SPRED2: variants seen among roughly 807,000 people sequenced by gnomAD.
SPRED2 encodes the protein sprouty related EVH1 domain containing 2, also known as sprouty-related, EVH1 domain-containing protein 2.
In SPRED2, 47 loss-of-function variants were observed where a neutral mutation model predicts 43.0. That is an observed-to-expected ratio of 1.09 (90% CI 0.87 to 1.40). The LOEUF (loss-of-function observed/expected upper bound fraction) is 1.40, where lower values mean the gene tolerates loss of function less well. Ranked by LOEUF, SPRED2 falls within the 40% of genes most tolerant of loss-of-function variation. The pLI is 0.00. For missense variants in SPRED2, 561 were observed against 586.4 expected (o/e 0.96, Z 0.45); for synonymous variants, 225 against 225.7 (o/e 1.00, Z 0.03).
chr2:65,420,319 A>C (rs1413559832), intron 1 of SPRED2, among the ~76,000 whole-genome samples: 1 of 151,192 alleles, frequency 6.6e-6, no homozygotes, highest in Non-Finnish European at 1.5e-5. Flanking sequence ...TCCGTGTTGG[A>C]GTTATTGACA....
At chr2:65,402,800 G>A (rs1271879795) in intron 1 of SPRED2, among the ~76,000 whole-genome samples, 1 of 152,168 alleles carries the variant, frequency 6.6e-6, no homozygotes, top group East Asian at 1.9e-4. Flanking sequence ...TGATAATTCA[G>A]AAATTTTTAA....
chr2:65,399,075 G>A (rs913810131), intron 1 of SPRED2, among the ~76,000 whole-genome samples: 9 of 152,006 alleles, frequency 5.9e-5, no homozygotes, highest in African/African-American at 2.2e-4. Context: ...TCAGGAGATC[G>A]AGACCATCCT....
intron 1 of SPRED2, among the ~76,000 whole-genome samples, chr2:65,428,869 A>T (rs1676613546): frequency 6.6e-6 from 1 of 152,248 alleles, no homozygotes; most frequent in Admixed American, 6.5e-5. Context: ...ATAGGTATGG[A>T]TTTAAAAAAA....
chr2:65,322,397 C>T (rs1287373291), intron 4 of SPRED2, among the ~76,000 whole-genome samples: 2 of 149,614 alleles, frequency 1.3e-5, no homozygotes, highest in African/African-American at 4.9e-5. Flanking sequence ...AGGTTCACGC[C>T]GTTCTCCTGC....
intron 3 of SPRED2, among the ~76,000 whole-genome samples, chr2:65,333,206 CA>C (rs1298706918): frequency 4.0e-4 from 58 of 145,708 alleles, no homozygotes; most frequent in Non-Finnish European, 5.9e-5. Flanking sequence ...ACGGAGGTTG[CA>C]GTGAGCCGAG....
chr2:65,422,202 TGGCAAGGGCCTGTA>T (rs1250057138), intron 1 of SPRED2, among the ~76,000 whole-genome samples: 10 of 152,152 alleles, frequency 6.6e-5, no homozygotes, highest in Non-Finnish European at 1.5e-4. Context: ...TTGAAGATTC[TGGCAAGGGCCTGTA>T]GGTCCTTCAA....
At chr2:65,426,078 CT>C (rs1558694620) in intron 1 of SPRED2, among the ~76,000 whole-genome samples, 1 of 152,212 alleles carries the variant, frequency 6.6e-6, no homozygotes, top group Non-Finnish European at 1.5e-5. Context: ...ATTGTTAATA[CT>C]GTGATTTCTG....
intron 1 of SPRED2, chr2:65,366,787 C>G: frequency 7.6e-7 from 1 of 1,322,862 alleles, no homozygotes; most frequent in Non-Finnish European, 9.6e-7. Context: ...ATGAGTCATC[C>G]GAGGGTTAGT....
chr2:65,354,909 AT>A (rs1472778547), intron 1 of SPRED2, among the ~76,000 whole-genome samples: 1 of 152,114 alleles, frequency 6.6e-6, no homozygotes, highest in Non-Finnish European at 1.5e-5. Flanking sequence ...CTCCTGGGCA[AT>A]TTTCTCTTGT....
chr2:65,341,466 ACTGG>A (rs1225163350), intron 2 of SPRED2, among the ~76,000 whole-genome samples: 4 of 152,116 alleles, frequency 2.6e-5, no homozygotes, highest in African/African-American at 9.7e-5. Flanking sequence ...CGGACAGAGG[ACTGG>A]ACTGCCCTAA....
chr2:65,398,805 T>C (rs924948485), intron 1 of SPRED2, among the ~76,000 whole-genome samples: 1 of 152,222 alleles, frequency 6.6e-6, no homozygotes, highest in Non-Finnish European at 1.5e-5. Flanking sequence ...TGGAAAACAG[T>C]GTGGAGATTC....
chr2:65,307,253 T>C (rs1672960148), downstream of SPRED2, among the ~76,000 whole-genome samples: 1 of 152,210 alleles, frequency 6.6e-6, no homozygotes, highest in South Asian at 2.1e-4. Flanking sequence ...TGGAGTGCAG[T>C]GGCTTGATCT....
chr2:65,432,186 C>G lies in SPRED2; in HGVS notation c.-199G>C. The G allele has an allele frequency of 3.1e-6, 2 of 641,554 alleles. 1 individual carries two copies. The highest frequency in any genetic ancestry group is 3.7e-5 in the South Asian group (2 of 53,576). 39.7% of individuals were successfully genotyped at this position (641,554 alleles called of 1,614,324 possible). ...TTGGGGGAAGGGGTGCAAAGGCAGG[C>G]TGCGCGGGGAGTGAACGCCGCAGCG... is the stretch of plus-strand genomic sequence containing the variant. On this transcript the variant is annotated 5_prime_UTR_variant, in exon 1 of 6. Coordinates refer to ENST00000356388, the MANE Select transcript of SPRED2 (RefSeq NM_181784.3).
At chr2:65,399,104 C>T (rs1675822555) in intron 1 of SPRED2, among the ~76,000 whole-genome samples, 2 of 151,810 alleles carry the variant, frequency 1.3e-5, no homozygotes, top group African/African-American at 2.4e-5. Context: ...CGGTGAAACC[C>T]TGTCTCTCTT....
Position 65,376,876 on chromosome 2 carries a change from G to A in SPRED2, c.27-31980C>T, listed in dbSNP as rs538771927. ...ACTACAGACGCCCGCCACCATGCCCGGCTAATTTTTTGTATTTTTAGTAGA... is the reference window on the plus strand; with the variant it reads ...ACTACAGACGCCCGCCACCATGCCCAGCTAATTTTTTGTATTTTTAGTAGA... On this transcript the variant is annotated intron_variant, in intron 1 of 5. Transcript: ENST00000356388. Among the ~76,000 whole-genome samples, 8 of 152,110 alleles carry A rather than the reference G, an allele frequency of 5.3e-5. No homozygotes were observed. The South Asian group carries it at 8.3e-4, about 16-fold the overall frequency.
At chr2:65,341,295 A>G (rs966736696) in intron 2 of SPRED2, among the ~76,000 whole-genome samples, 5 of 151,874 alleles carry the variant, frequency 3.3e-5, no homozygotes, top group African/African-American at 1.2e-4. Flanking sequence ...AGTGAATATA[A>G]AAGCCCACAA....
chr2:65,413,509 T>C lies in SPRED2; in HGVS notation c.26+18453A>G, dbSNP rs144532352. Among the ~76,000 whole-genome samples, 126 of 152,342 alleles carry C rather than the reference T, an allele frequency of 8.3e-4. 3 individuals carry two copies. In the East Asian group the frequency reaches 0.019, roughly 23 times the overall value. On this transcript the variant is annotated intron_variant, in intron 1 of 5. Coordinates refer to ENST00000356388, the MANE Select transcript of SPRED2 (RefSeq NM_181784.3). ...AGGAAACCCTCTGTGTTGTGTTGTCTGCAGGGCGGTCAAAACAACAGAGAA... is the reference window on the plus strand; with the variant it reads ...AGGAAACCCTCTGTGTTGTGTTGTCCGCAGGGCGGTCAAAACAACAGAGAA...
intron 1 of SPRED2, among the ~76,000 whole-genome samples, chr2:65,401,241 G>A (rs754888233): frequency 1.3e-5 from 2 of 151,764 alleles, no homozygotes; most frequent in Non-Finnish European, 2.9e-5. Context: ...CTCCCAAAGT[G>A]CTGAGATTAC....
chr2:65,391,660 C>T (rs1257172375), intron 1 of SPRED2, among the ~76,000 whole-genome samples: 1 of 152,300 alleles, frequency 6.6e-6, no homozygotes, highest in South Asian at 2.1e-4. Context: ...TGTGTTTTCA[C>T]TTGACTATTA....
Sources: gnomAD v4.1 joint callset for allele counts (sites outside exome capture counted in the v4.1 genomes callset) on GRCh38, gnomAD v4.1.1 for gene constraint, MANE v1.5 for transcripts, NCBI Gene and HGNC (gene_info 2026-07-23, HGNC 2026-07-21) for gene names.